FAM53A: variants seen among roughly 807,000 people sequenced by gnomAD.
The protein encoded by FAM53A is protein FAM53A.
In FAM53A, 28 loss-of-function variants were observed where a neutral mutation model predicts 26.6. That is an observed-to-expected ratio of 1.05 (90% CI 0.78 to 1.45). The LOEUF (loss-of-function observed/expected upper bound fraction) is 1.45, where lower values mean the gene tolerates loss of function less well. Among genes scored for constraint, FAM53A ranks in the 40% most tolerant of loss-of-function variants. The pLI is 0.00. For missense variants in FAM53A, 650 were observed against 575.8 expected, an observed-to-expected ratio of 1.13 and a Z score of -1.32; for synonymous variants, 290 against 253.1, an observed-to-expected ratio of 1.15 and a Z score of -1.38.
the FAM53A span, among the ~76,000 whole-genome samples, chr4:1,605,754 G>C: frequency 0.013 from 1,911 of 152,280 alleles, 17 homozygotes; most frequent in Middle Eastern, 0.044. This position sits in a 1 kb window ranked among gnomAD's most constrained non-coding sequence, Gnocchi z 5.7. Context: ...GCCCGCAGCA[G>C]TTCTGAAACC....
downstream of FAM53A, among the ~76,000 whole-genome samples, chr4:1,637,399 T>G (rs995840002): frequency 2.0e-5 from 3 of 151,582 alleles, no homozygotes; most frequent in Non-Finnish European, 4.4e-5. Flanking sequence ...GAGGGAACGG[T>G]TGGGGGTGAG....
chr4:1,632,401 C>T (rs1715647009), intron 1 of FAM53A, among the ~76,000 whole-genome samples: 1 of 152,060 alleles, frequency 6.6e-6, no homozygotes, highest in Non-Finnish European at 1.5e-5. Flanking sequence ...CTGATGCTTC[C>T]ATCTCGGACT....
At chr4:1,580,447 C>CAACAAGCTA in the FAM53A span, among the ~76,000 whole-genome samples, 1 of 152,164 alleles carries the variant, frequency 6.6e-6, no homozygotes, top group African/African-American at 2.4e-5. Flanking sequence ...GGGGCAGAAC[C>CAACAAGCTA]GGACGGCGCA....
the FAM53A span, among the ~76,000 whole-genome samples, chr4:1,612,291 T>A: frequency 6.6e-6 from 1 of 152,202 alleles, no homozygotes; most frequent in Non-Finnish European, 1.5e-5. Flanking sequence ...GCATCTTGTA[T>A]TTATCTGAAG....
At chr4:1,683,197 T>G (rs924245000) in intron 1 of FAM53A, among the ~76,000 whole-genome samples, 1 of 152,220 alleles carries the variant, frequency 6.6e-6, no homozygotes, top group Non-Finnish European at 1.5e-5. Flanking sequence ...TTCTAAACAA[T>G]GTCAGTTTCC....
intron 4 of FAM53A, among the ~76,000 whole-genome samples, chr4:1,653,288 G>T (rs1713042591): frequency 6.6e-6 from 1 of 152,230 alleles, no homozygotes; most frequent in East Asian, 1.9e-4. Flanking sequence ...TCTACCGGGG[G>T]TACCCCATGT....
At chr4:1,648,342 G>A (rs1487777397) in intron 4 of FAM53A, among the ~76,000 whole-genome samples, 2 of 152,190 alleles carry the variant, frequency 1.3e-5, no homozygotes, top group African/African-American at 4.8e-5. Context: ...CTGGTTGGCT[G>A]ACAGGGAGAG....
At chr4:1,635,650 C>T (rs1474359937), downstream of FAM53A, among the ~76,000 whole-genome samples, 1 of 152,130 alleles carries the variant, frequency 6.6e-6, no homozygotes, top group Non-Finnish European at 1.5e-5. Flanking sequence ...TTGGGATCTA[C>T]TCCACAAGCA....
downstream of FAM53A, among the ~76,000 whole-genome samples, chr4:1,617,559 C>G (rs893823589): frequency 6.6e-6 from 1 of 152,180 alleles, no homozygotes; most frequent in Non-Finnish European, 1.5e-5. Context: ...ATTTAGGAAA[C>G]TCAAGAGGAG....
At chr4:1,615,680 G>C (rs1213425031), downstream of FAM53A, among the ~76,000 whole-genome samples, 2 of 152,254 alleles carry the variant, frequency 1.3e-5, no homozygotes, top group African/African-American at 4.8e-5. Context: ...GGCGCACACA[G>C]GGGATGGCCC....
intron 4 of FAM53A, among the ~76,000 whole-genome samples, chr4:1,647,582 T>C (rs7660921): frequency 0.95 from 144,427 of 152,308 alleles, 68,585 homozygotes; most frequent in East Asian, 1. Context: ...TGAACACAGT[T>C]GCGCACGCAG....
In FAM53A at chr4:1,660,489, T is replaced by C. The variant is rs139090731; in HGVS notation, c.76-3021A>G. 6.2e-3 allele frequency among the ~76,000 whole-genome samples: 934 copies of C among 150,212 alleles called. 11 individuals carry two copies. The highest frequency in any genetic ancestry group is 0.022 in the African/African-American group (879 of 40,780). On this transcript the variant is annotated intron_variant, in intron 2 of 4. Coordinates refer to ENST00000308132, the MANE Select transcript of FAM53A (RefSeq NM_001174070.3). ...CTGTCATTCCAGCTACTCAAGAGGC[T>C]GAGGTGGGAGGATTGCTTGGGCTAG...
chr4:1,581,248 G>T, the FAM53A span, among the ~76,000 whole-genome samples: 1 of 147,168 alleles, frequency 6.8e-6, no homozygotes, highest in East Asian at 2.1e-4. Flanking sequence ...CCTCCACTCA[G>T]GGCCCCGCTT....
At chr4:1,669,317 G>A (rs993210697) in intron 1 of FAM53A, among the ~76,000 whole-genome samples, 12 of 152,148 alleles carry the variant, frequency 7.9e-5, no homozygotes, top group African/African-American at 1.9e-4. Context: ...CACCCCTCCC[G>A]CTCCCATGCC....
chr4:1,658,009 C>CT (rs796935944), intron 2 of FAM53A, among the ~76,000 whole-genome samples: 51 of 149,490 alleles, frequency 3.4e-4, no homozygotes, highest in South Asian at 2.1e-3. Flanking sequence ...ACTAAGCAGA[C>CT]TTTTTTTTTG....
chr4:1,662,479 C>CAAAAA (rs59768929), intron 2 of FAM53A, among the ~76,000 whole-genome samples: 82 of 68,266 alleles, frequency 1.2e-3, no homozygotes, highest in East Asian at 1.9e-3. Flanking sequence ...GATTCCATCA[C>CAAAAA]AAAAAAAAAA....
rs1711717450 is a variant in FAM53A at position 1,641,501 on chromosome 4, A to T, written c.989T>A (p.Leu330His). ...VLSSPCDSRGLPGITMPGCSQ... is the reference protein window; with the variant it reads ...VLSSPCDSRGHPGITMPGCSQ... ...GCAGCCAGGCATGGTGATGCCAGGG[A>T]GGCCCCGGGAGTCACATGGGGAGGA... The change falls in exon 5 of 5, where the codon CTC (leucine) becomes CAC (histidine). Residue 330 changes from leucine (L) to histidine (H), a missense_variant. Coordinates refer to ENST00000308132, the MANE Select transcript of FAM53A (RefSeq NM_001174070.3). 6.2e-7 allele frequency: 1 copy of T among 1,614,158 alleles called. No homozygotes were observed. Among genetic ancestry groups the T allele is most frequent in the South Asian group, 1.1e-5 (1 of 91,090 alleles).
In FAM53A at chr4:1,640,628, C is replaced by T. The variant is rs1276942675; in HGVS notation, c.*665G>A. The T allele has an allele frequency of 7.9e-6, 3 of 379,382 alleles. No individual in the cohort carries two copies. Among genetic ancestry groups the T allele is most frequent in the Non-Finnish European group, 1.5e-5 (3 of 202,696 alleles). The allele number at this position is 379,382 out of a possible 1,614,324, so 23.5% of individuals were successfully genotyped here. The stretch of plus-strand genomic sequence containing the variant: ...CAAGCAACACGAAACCTACTCTGTG[C>T]CCCAGGGCAGGTGCCGGCAGCAGCC... On this transcript the variant is annotated 3_prime_UTR_variant, in exon 5 of 5. Transcript: ENST00000308132.
chr4:1,640,947 G>A lies in FAM53A; in HGVS notation c.*346C>T, dbSNP rs1258428005. 1.1e-5 allele frequency: 5 copies of A among 439,952 alleles called. No homozygotes were observed. The highest frequency in any genetic ancestry group is 4.3e-6 in the Non-Finnish European group (1 of 234,072). The allele number at this position is 439,952 out of a possible 1,614,324, so 27.3% of individuals were successfully genotyped here. A position where few individuals can be genotyped will look rare whatever the true frequency, so the allele number is the denominator to read the frequency against. ...GAAACCTAGTCTGTGCCCCAGGGCA[G>A]TGCAGGCGGCAGCCGTGGCCCCGAC... On this transcript the variant is annotated 3_prime_UTR_variant, in exon 5 of 5. Transcript: ENST00000308132.
Sources: allele counts gnomAD v4.1 joint callset (sites outside exome capture counted in the v4.1 genomes callset), GRCh38; gene constraint gnomAD v4.1.1; non-coding constraint Gnocchi (gnomAD v3.1); transcripts MANE v1.5; gene names NCBI Gene and HGNC (gene_info 2026-07-23, HGNC 2026-07-21).